The following IREB2 variants were observed in gnomAD, a reference collection of about 807,000 sequenced individuals.
IREB2 encodes the protein iron-responsive element-binding protein 2.
In IREB2, 39 loss-of-function variants were observed where a neutral mutation model predicts 118.8. The observed-to-expected ratio is 0.33, with a 90% CI of 0.25 to 0.43. IREB2 has a LOEUF of 0.43. IREB2 is among the 20% of genes least tolerant of loss of function. The pLI, the probability that IREB2 is intolerant of heterozygous loss-of-function variation, is 1.00. For missense variants in IREB2, 900 were observed against 1,147.3 expected (o/e 0.78, Z 3.11); for synonymous variants, 372 against 392.2 (o/e 0.95, Z 0.61).
At chr15:78,484,089 A>T (rs963315758) in intron 11 of IREB2, among the ~76,000 whole-genome samples, 1 of 151,986 alleles carries the variant, frequency 6.6e-6, no homozygotes, top group African/African-American at 2.4e-5. Flanking sequence ...CCTGGCCTAC[A>T]GTCATAAAAT....
At chr15:78,457,664 C>T (rs1259402638) in intron 2 of IREB2, among the ~76,000 whole-genome samples, 1 of 152,040 alleles carries the variant, frequency 6.6e-6, no homozygotes, top group Non-Finnish European at 1.5e-5. Context: ...GCTGTCTCTC[C>T]TCTGTTCTGC....
chr15:78,488,691 C>A lies in IREB2; in HGVS notation c.1996C>A (p.Pro666Thr), dbSNP rs765725005. The A allele has an allele frequency of 6.2e-7, 1 of 1,611,930 alleles. No homozygotes were observed. The highest frequency in any genetic ancestry group is 1.1e-5 in the South Asian group (1 of 90,868). ...GKNIYLHDIW[P>T]SREEVHRVEE... ...GAACATTTACCTGCATGATATTTGG[C>A]CTAGTCGAGAAGAAGTTCATCGAGT... The change falls in exon 16 of 22, where the codon CCT (proline) becomes ACT (threonine). Residue 666 changes from proline (P) to threonine (T), a missense_variant. Physicochemically the swap from Pro to Thr is conservative, Grantham distance 38. Coordinates refer to ENST00000258886, the MANE Select transcript of IREB2 (RefSeq NM_004136.4).
At chr15:78,483,580 T>G in intron 11 of IREB2, 146 bp downstream of exon 11, 1 of 569,514 alleles carries the variant, frequency 1.8e-6, no homozygotes. Context: ...TCCTTCTGTC[T>G]AATGTGCAAG....
chr15:78,486,587 A>G (rs2051664028), intron 13 of IREB2, among the ~76,000 whole-genome samples: 2 of 152,198 alleles, frequency 1.3e-5, no homozygotes. Context: ...CCTGGGCGAC[A>G]GAGCGAGACT....
intron 2 of IREB2, among the ~76,000 whole-genome samples, chr15:78,441,695 A>T (rs750340944): frequency 6.6e-6 from 1 of 152,234 alleles, no homozygotes; most frequent in Non-Finnish European, 1.5e-5. Context: ...ATAATCTGAA[A>T]GTTAAATTTT....
chr15:78,447,658 C>T (rs551194076), intron 2 of IREB2, among the ~76,000 whole-genome samples: 11 of 151,832 alleles, frequency 7.2e-5, no homozygotes, highest in Admixed American at 1.3e-4. Context: ...TTTATAGAGA[C>T]GGGAGTCTCC....
intron 9 of IREB2, 56 bp from the exon 10 acceptor site, chr15:78,478,241 T>A (rs939738232): frequency 9.2e-6 from 11 of 1,191,438 alleles, no homozygotes; most frequent in South Asian, 1.2e-5. Context: ...CTGAAAAAAA[T>A]AATAACTAAA....
chr15:78,452,077 G>A (rs1490060463), intron 2 of IREB2, among the ~76,000 whole-genome samples: 1 of 152,210 alleles, frequency 6.6e-6, no homozygotes, highest in Non-Finnish European at 1.5e-5. Flanking sequence ...TCACAGTATA[G>A]GGTTGGGGGA....
intron 2 of IREB2, among the ~76,000 whole-genome samples, chr15:78,460,616 A>C (rs2051180811): frequency 6.6e-6 from 1 of 152,164 alleles, no homozygotes; most frequent in African/African-American, 2.4e-5. Context: ...TTTCTCTGAA[A>C]AACTGTTCTG....
chr15:78,451,220 C>A (rs986490769), intron 2 of IREB2, among the ~76,000 whole-genome samples: 1 of 152,086 alleles, frequency 6.6e-6, no homozygotes, highest in African/African-American at 2.4e-5. Flanking sequence ...CCCACCTCGG[C>A]CTCCCAAAGT....
intron 2 of IREB2, among the ~76,000 whole-genome samples, chr15:78,444,681 AT>A (rs1440312156): frequency 6.6e-6 from 1 of 152,198 alleles, no homozygotes; most frequent in Non-Finnish European, 1.5e-5. Context: ...AGAAAGTCTC[AT>A]TTTTATGTGT....
At chr15:78,457,885 A>G (rs1567166862) in intron 2 of IREB2, among the ~76,000 whole-genome samples, 2 of 152,080 alleles carry the variant, frequency 1.3e-5, no homozygotes, top group Admixed American at 6.6e-5. Context: ...TTATCTCCAA[A>G]TGTTCTATTA....
chr15:78,484,256 T>C (rs558573342), intron 11 of IREB2, among the ~76,000 whole-genome samples: 1 of 152,278 alleles, frequency 6.6e-6, no homozygotes, highest in South Asian at 2.1e-4. Context: ...TTTCTTGACT[T>C]TTTGTTCAGA....
intron 8 of IREB2, chr15:78,474,271 T>G (rs1311118627): frequency 6.6e-6 from 1 of 152,246 alleles, no homozygotes; most frequent in African/African-American, 2.4e-5. Context: ...GTTAGATTAT[T>G]GGTACGAAGG....
chr15:78,493,892 TC>T lies in IREB2; in HGVS notation c.2325-16del. On this transcript the variant is annotated splice_polypyrimidine_tract_variant and intron_variant, in intron 18 of 21. Coordinates refer to ENST00000258886, the MANE Select transcript of IREB2 (RefSeq NM_004136.4). ...TTCCACATGTAATGAAAACTGACTT[TC>T]ATTACTTTCTTGTAGCCTTACCCCT... 1.2e-6 allele frequency: 2 copies of T among 1,600,646 alleles called. No homozygotes were observed. Among genetic ancestry groups the T allele is most frequent in the East Asian group, 4.5e-5 (2 of 44,724 alleles).
At chr15:78,494,347 A>G (rs1308203262) in intron 20 of IREB2, 83 bp downstream of exon 20, 3 of 1,396,874 alleles carry the variant, frequency 2.1e-6, no homozygotes, top group Non-Finnish European at 3.0e-6. Flanking sequence ...GTCAAAGTTT[A>G]TCTGGATTTT....
intron 13 of IREB2, among the ~76,000 whole-genome samples, 170 bp from the exon 14 acceptor site, chr15:78,487,563 C>T (rs2051680220): frequency 6.6e-6 from 1 of 152,140 alleles, no homozygotes; most frequent in South Asian, 2.1e-4. Flanking sequence ...GAGAGTTAGA[C>T]TTGATTGCTC....
chr15:78,449,411 A>G (rs1392291741), intron 2 of IREB2, among the ~76,000 whole-genome samples: 1 of 152,186 alleles, frequency 6.6e-6, no homozygotes, highest in Admixed American at 6.5e-5. Context: ...TCATGTTTAT[A>G]GGGATCAGAG....
At chr15:78,491,494 GTATTTATTTA>G in intron 18 of IREB2, among the ~76,000 whole-genome samples, 1 of 39,976 alleles carries the variant, frequency 2.5e-5, no homozygotes, top group Non-Finnish European at 1.0e-4. Context: ...ATTTATGTAT[GTATTTATTTA>G]TGTATTTATT....
Sources: allele counts gnomAD v4.1 joint callset (sites outside exome capture counted in the v4.1 genomes callset), GRCh38; gene constraint gnomAD v4.1.1; transcripts MANE v1.5; gene names NCBI Gene and HGNC (gene_info 2026-07-23, HGNC 2026-07-21).